The following GRHL2 variants were observed in gnomAD, a reference collection of about 807,000 sequenced individuals.
GRHL2 encodes the protein grainyhead like transcription factor 2.
Under a neutral mutation model 83.8 loss-of-function variants are expected in GRHL2, and 21 were observed. The ratio of observed to expected loss-of-function variants is 0.25; its 90% CI spans 0.18 to 0.36. GRHL2 has a LOEUF of 0.36. Ranked by LOEUF, GRHL2 falls within the 10% of genes least tolerant of loss-of-function variation. The pLI, the probability that GRHL2 is intolerant of heterozygous loss-of-function variation, is 1.00. For missense variants in GRHL2, 623 were observed against 781.8 expected (o/e 0.80, Z 2.42); for synonymous variants, 280 against 278.9 (o/e 1.00, Z -0.04).
chr8:101,678,394 C>T, the GRHL2 span, among the ~76,000 whole-genome samples: 2 of 152,152 alleles, frequency 1.3e-5, no homozygotes, highest in Admixed American at 1.3e-4. Flanking sequence ...AAACGGCGCA[C>T]CACGAGATTA....
intron 14 of GRHL2, among the ~76,000 whole-genome samples, chr8:101,655,115 G>T (rs1400463049): frequency 6.6e-6 from 1 of 152,070 alleles, no homozygotes; most frequent in East Asian, 1.9e-4. Flanking sequence ...CTGGGAGGCG[G>T]AGGTTGCGGT....
intron 8 of GRHL2, among the ~76,000 whole-genome samples, chr8:101,604,409 G>A (rs1812587702): frequency 6.6e-6 from 1 of 152,064 alleles, no homozygotes; most frequent in East Asian, 1.9e-4. Context: ...AGATTTCTAA[G>A]GAGAGTCTTG....
At chr8:101,530,732 T>A (rs1810906403) in intron 1 of GRHL2, among the ~76,000 whole-genome samples, 1 of 152,200 alleles carries the variant, frequency 6.6e-6, no homozygotes, top group Non-Finnish European at 1.5e-5. Context: ...CTACAAATAA[T>A]GTAAACTTGT....
chr8:101,494,889 T>C (rs564471), intron 1 of GRHL2, among the ~76,000 whole-genome samples: 77,227 of 152,130 alleles, frequency 0.51, 23,729 homozygotes, highest in Non-Finnish European at 0.7. Context: ...TTTTATCTAG[T>C]CGTGGTTTCC....
intron 1 of GRHL2, among the ~76,000 whole-genome samples, chr8:101,534,168 T>A (rs2130092524): frequency 6.6e-6 from 1 of 152,342 alleles, no homozygotes; most frequent in Middle Eastern, 3.4e-3. Context: ...TAAACTAGCA[T>A]ACATTCATGA....
downstream of GRHL2, among the ~76,000 whole-genome samples, chr8:101,671,391 G>A (rs922292531): frequency 3.1e-4 from 47 of 152,284 alleles, no homozygotes; most frequent in Non-Finnish European, 3.5e-4. Context: ...AGGGTCCTAC[G>A]CGCATGGAGT....
chr8:101,506,626 A>T (rs1810345582), intron 1 of GRHL2, among the ~76,000 whole-genome samples: 1 of 152,156 alleles, frequency 6.6e-6, no homozygotes, highest in Non-Finnish European at 1.5e-5. Flanking sequence ...GTTTATATGT[A>T]AAGGTTTTTA....
intron 7 of GRHL2, among the ~76,000 whole-genome samples, chr8:101,590,224 CTG>C (rs1812251411): frequency 6.6e-6 from 1 of 152,118 alleles, no homozygotes; most frequent in Non-Finnish European, 1.5e-5. Flanking sequence ...ACCTCTGACT[CTG>C]TAAAGCATTA....
intron 4 of GRHL2, among the ~76,000 whole-genome samples, chr8:101,567,331 A>T (rs1811737630): frequency 6.6e-6 from 1 of 152,238 alleles, no homozygotes; most frequent in South Asian, 2.1e-4. Context: ...TGGCTGTCTG[A>T]CTGCCTTTTG....
In GRHL2 at chr8:101,567,371, C is replaced by T. The variant is rs367975142; in HGVS notation, c.679-2968C>T. Among the ~76,000 whole-genome samples, 7 of 152,240 alleles carry T rather than the reference C, an allele frequency of 4.6e-5. No individual in the cohort carries two copies. In the East Asian group the frequency reaches 7.7e-4, roughly 17 times the overall value. ...CCTACAAATTATATTAATAGGTCTC[C>T]GAGCAACTGTGGAAACTTGATAACT... On this transcript the variant is annotated intron_variant, in intron 4 of 15. Transcript: ENST00000646743.
intron 4 of GRHL2, among the ~76,000 whole-genome samples, chr8:101,564,501 T>C (rs147759261): frequency 6.6e-6 from 1 of 152,128 alleles, no homozygotes; most frequent in African/African-American, 2.4e-5. Flanking sequence ...GAAAAGACAG[T>C]GGTAGCATTA....
chr8:101,621,997 A>G (rs1330038175), intron 9 of GRHL2, among the ~76,000 whole-genome samples: 1 of 152,228 alleles, frequency 6.6e-6, no homozygotes, highest in African/African-American at 2.4e-5. Context: ...ATATGCTCTA[A>G]GGAAAACTTT....
chr8:101,609,754 G>A (rs937136777), intron 8 of GRHL2, among the ~76,000 whole-genome samples: 7 of 151,084 alleles, frequency 4.6e-5, no homozygotes, highest in Admixed American at 2.6e-4. Context: ...AGGAAATGAG[G>A]TGTATTTGTA....
chr8:101,678,803 C>G, the GRHL2 span, among the ~76,000 whole-genome samples: 1 of 151,962 alleles, frequency 6.6e-6, no homozygotes, highest in Non-Finnish European at 1.5e-5. Flanking sequence ...AGGCACCCCC[C>G]AGCAGGGGCA....
intron 1 of GRHL2, among the ~76,000 whole-genome samples, chr8:101,508,901 G>C (rs1810393057): frequency 6.6e-6 from 1 of 152,052 alleles, no homozygotes. Context: ...GGAAAAAAAA[G>C]CAATTGCACA....
intron 14 of GRHL2, among the ~76,000 whole-genome samples, chr8:101,659,347 A>T (rs550873989): frequency 1.3e-5 from 2 of 152,308 alleles, no homozygotes; most frequent in South Asian, 4.2e-4. Context: ...GAAAATAAAG[A>T]TGAATGTTTT....
chr8:101,559,587 CAAG>C (rs1216168136), intron 4 of GRHL2, among the ~76,000 whole-genome samples: 1 of 152,060 alleles, frequency 6.6e-6, no homozygotes, highest in African/African-American at 2.4e-5. Context: ...ATGGAATACT[CAAG>C]AAGGAGAATT....
chr8:101,501,311 C>A (rs1334965986), intron 1 of GRHL2, among the ~76,000 whole-genome samples: 1 of 152,232 alleles, frequency 6.6e-6, no homozygotes, highest in African/African-American at 2.4e-5. Context: ...AATGCAGATA[C>A]CCTCCGGAAC....
At chr8:101,607,642 T>TG (rs1219766518) in intron 8 of GRHL2, among the ~76,000 whole-genome samples, 1 of 152,140 alleles carries the variant, frequency 6.6e-6, no homozygotes, top group Non-Finnish European at 1.5e-5. Context: ...AAAATAGGGC[T>TG]GGGGGGCACT....
Sources: allele counts gnomAD v4.1 joint callset (sites outside exome capture counted in the v4.1 genomes callset), GRCh38; gene constraint gnomAD v4.1.1; transcripts MANE v1.5; gene names NCBI Gene and HGNC (gene_info 2026-07-23, HGNC 2026-07-21).